SEZ6L: variants seen among roughly 807,000 people sequenced by gnomAD.
The protein encoded by SEZ6L is seizure 6-like protein.
Under a neutral mutation model 106.2 loss-of-function variants are expected in SEZ6L, and 37 were observed. That is an observed-to-expected ratio of 0.35 (90% CI 0.27 to 0.46). The LOEUF (loss-of-function observed/expected upper bound fraction) is 0.46, where lower values mean the gene tolerates loss of function less well. Among genes scored for constraint, SEZ6L ranks in the 20% least tolerant of loss-of-function variants. The pLI is 1.00. For synonymous variants in SEZ6L, 541 were observed against 570.4 expected (o/e 0.95, Z 0.73); for missense variants, 1,172 against 1,332.8 (o/e 0.88, Z 1.88).
At chr22:26,249,549 C>A (rs1569419023) in intron 1 of SEZ6L, among the ~76,000 whole-genome samples, 1 of 151,642 alleles carries the variant, frequency 6.6e-6, no homozygotes, top group Non-Finnish European at 1.5e-5. Context: ...TATGTGTGTC[C>A]ATTTCTTGGA....
At chr22:26,345,942 G>A (rs2082993168) in intron 10 of SEZ6L, among the ~76,000 whole-genome samples, 2 of 152,114 alleles carry the variant, frequency 1.3e-5, no homozygotes, top group African/African-American at 2.4e-5. Flanking sequence ...ATTTTCTGGA[G>A]TATGGTTCAT....
At chr22:26,331,301 G>A (rs2082473386) in intron 9 of SEZ6L, among the ~76,000 whole-genome samples, 1 of 152,210 alleles carries the variant, frequency 6.6e-6, no homozygotes, top group African/African-American at 2.4e-5. Context: ...CCCAGTGAAA[G>A]CAATGAGGGT....
At chr22:26,347,429 C>G (rs576728425) in intron 10 of SEZ6L, among the ~76,000 whole-genome samples, 15 of 152,048 alleles carry the variant, frequency 9.9e-5, no homozygotes, top group African/African-American at 3.6e-4. Flanking sequence ...AAGTGATTGT[C>G]CCCCCGTCAC....
chr22:26,216,934 T>G (rs2078315973), intron 1 of SEZ6L, among the ~76,000 whole-genome samples: 1 of 152,080 alleles, frequency 6.6e-6, no homozygotes, highest in Non-Finnish European at 1.5e-5. Context: ...AGTGGTAGGG[T>G]TTAGCCTGGA....
chr22:26,205,247 G>A (rs1306331793), intron 1 of SEZ6L, among the ~76,000 whole-genome samples: 1 of 152,186 alleles, frequency 6.6e-6, no homozygotes, highest in Non-Finnish European at 1.5e-5. Context: ...TGGCATTCAA[G>A]GCCCTTTCAA....
At chr22:26,374,559 C>T (rs1411014868) in intron 14 of SEZ6L, among the ~76,000 whole-genome samples, 6 of 152,176 alleles carry the variant, frequency 3.9e-5, no homozygotes, top group Admixed American at 6.6e-5. Flanking sequence ...ACCATGAGAA[C>T]GTCTCAAAGG....
At chr22:26,322,348 G>C (rs1005799310) in intron 9 of SEZ6L, among the ~76,000 whole-genome samples, 11 of 152,140 alleles carry the variant, frequency 7.2e-5, no homozygotes, top group Non-Finnish European at 1.0e-4. Context: ...ACAGCTTTCG[G>C]GGCACCAGCT....
At chr22:26,197,234 T>A (rs561214427) in intron 1 of SEZ6L, among the ~76,000 whole-genome samples, 14 of 152,344 alleles carry the variant, frequency 9.2e-5, no homozygotes, top group African/African-American at 2.9e-4. Flanking sequence ...AGGCACTTAC[T>A]ATCTTGTTCC....
At chr22:26,237,875 A>T (rs894338567) in intron 1 of SEZ6L, among the ~76,000 whole-genome samples, 1 of 152,002 alleles carries the variant, frequency 6.6e-6, no homozygotes, top group African/African-American at 2.4e-5. Flanking sequence ...TTAAGTGTAC[A>T]CCTAGTTACA....
chr22:26,170,479 TG>T (rs67323181), intron 1 of SEZ6L, among the ~76,000 whole-genome samples: 18,481 of 151,718 alleles, frequency 0.12, 1,194 homozygotes, highest in African/African-American at 0.18. Context: ...CTGTTAGGAA[TG>T]GGGGGTGAGG....
At chr22:26,239,072 A>C (rs1238661181) in intron 1 of SEZ6L, among the ~76,000 whole-genome samples, 1 of 152,174 alleles carries the variant, frequency 6.6e-6, no homozygotes, top group African/African-American at 2.4e-5. Context: ...AAAATTTAAA[A>C]AATTAGCAGG....
At chr22:26,298,399 GCT>G (rs1483596511) in intron 4 of SEZ6L, among the ~76,000 whole-genome samples, 1 of 152,164 alleles carries the variant, frequency 6.6e-6, no homozygotes, top group Non-Finnish European at 1.5e-5. Context: ...TGCGAAGGAG[GCT>G]CTTTCTCTGT....
intron 1 of SEZ6L, among the ~76,000 whole-genome samples, chr22:26,261,232 GTT>G (rs775127776): frequency 5.9e-4 from 90 of 152,236 alleles, no homozygotes; most frequent in Admixed American, 2.9e-3. Context: ...AAGCTCTTTA[GTT>G]TAATTAAGTC....
intron 1 of SEZ6L, among the ~76,000 whole-genome samples, chr22:26,238,750 A>G (rs1271295522): frequency 3.9e-5 from 6 of 152,224 alleles, no homozygotes; most frequent in Non-Finnish European, 5.9e-5. Context: ...AAGCTGAGGC[A>G]TGGAAATCGT....
intron 1 of SEZ6L, among the ~76,000 whole-genome samples, chr22:26,185,237 C>A (rs1221071368): frequency 1.3e-5 from 2 of 152,212 alleles, no homozygotes; most frequent in African/African-American, 2.4e-5. Context: ...GAATGGGAAT[C>A]CCTCTGTCAC....
chr22:26,193,140 T>A (rs1940349255), intron 1 of SEZ6L, among the ~76,000 whole-genome samples: 1 of 152,164 alleles, frequency 6.6e-6, no homozygotes, highest in Admixed American at 6.5e-5. Flanking sequence ...TGCTGAAAGG[T>A]TTAGGATAAT....
At chr22:26,304,854 T>G (rs2081584801) in intron 5 of SEZ6L, among the ~76,000 whole-genome samples, 1 of 152,202 alleles carries the variant, frequency 6.6e-6, no homozygotes, top group Admixed American at 6.5e-5. Flanking sequence ...GTGGAGTGTA[T>G]TTACAGTTAT....
At chr22:26,176,139 G>T (rs1004344701) in intron 1 of SEZ6L, among the ~76,000 whole-genome samples, 1 of 152,224 alleles carries the variant, frequency 6.6e-6, no homozygotes, top group African/African-American at 2.4e-5. Flanking sequence ...CTATCAGGTG[G>T]TATGATAAAC....
At chr22:26,332,147 GTTTTTT>G (rs752520660) in intron 9 of SEZ6L, among the ~76,000 whole-genome samples, 15 of 114,104 alleles carry the variant, frequency 1.3e-4, no homozygotes, top group African/African-American at 4.4e-4. Context: ...GATTTTCAAT[GTTTTTT>G]TTTTTTTTTT....
Sources: allele counts gnomAD v4.1 joint callset (sites outside exome capture counted in the v4.1 genomes callset), GRCh38; gene constraint gnomAD v4.1.1; transcripts MANE v1.5; gene names NCBI Gene and HGNC (gene_info 2026-07-23, HGNC 2026-07-21).